The following NRXN1 variants were observed in gnomAD, a reference collection of about 807,000 sequenced individuals.
NRXN1 encodes the protein neurexin-1.
In NRXN1, 39 loss-of-function variants were observed where a neutral mutation model predicts 150.9. The ratio of observed to expected loss-of-function variants is 0.26; its 90% CI spans 0.20 to 0.34. The LOEUF (loss-of-function observed/expected upper bound fraction) is 0.34, where lower values mean the gene tolerates loss of function less well. NRXN1 is among the 10% of genes least tolerant of loss of function. NRXN1 has a pLI of 1.00. For synonymous variants in NRXN1, 924 were observed against 757.0 expected (o/e 1.22, Z -3.62); for missense variants, 1,815 against 1,949.9 (o/e 0.93, Z 1.30).
intron 5 of NRXN1, among the ~76,000 whole-genome samples, chr2:50,681,517 C>T (rs1690401975): frequency 6.6e-6 from 1 of 152,242 alleles, no homozygotes; most frequent in East Asian, 1.9e-4. Context: ...AAAGAACATC[C>T]TGGAGTCCCA....
chr2:50,870,970 G>A (rs542070894), intron 5 of NRXN1, among the ~76,000 whole-genome samples: 13 of 151,968 alleles, frequency 8.6e-5, no homozygotes, highest in African/African-American at 1.2e-4. Flanking sequence ...TTGAGGTGCT[G>A]TGGGATTTTA....
At chr2:50,829,160 G>C (rs1671017061) in intron 5 of NRXN1, among the ~76,000 whole-genome samples, 2 of 152,174 alleles carry the variant, frequency 1.3e-5, no homozygotes, top group South Asian at 4.1e-4. Context: ...GGAGGTTGCA[G>C]TGAGCCGAGA....
intron 5 of NRXN1, among the ~76,000 whole-genome samples, chr2:50,905,991 G>T (rs573748865): frequency 1.3e-5 from 2 of 152,006 alleles, no homozygotes; most frequent in African/African-American, 4.8e-5. Context: ...ACAAATTTTG[G>T]AATATGTGCA....
chr2:50,976,904 C>T (rs1391708564), intron 2 of NRXN1, among the ~76,000 whole-genome samples: 4 of 152,110 alleles, frequency 2.6e-5, no homozygotes, highest in Middle Eastern at 3.4e-3. Flanking sequence ...ATTCCGTTAC[C>T]TCCTTCAGAA....
At chr2:50,578,730 G>C (rs149771133) in intron 8 of NRXN1, among the ~76,000 whole-genome samples, 84 of 151,510 alleles carry the variant, frequency 5.5e-4, no homozygotes, top group African/African-American at 1.6e-3. Flanking sequence ...AAATGCTAAA[G>C]CTTTTTAATT....
chr2:50,827,699 C>T (rs1051629909), intron 5 of NRXN1, among the ~76,000 whole-genome samples: 1 of 151,926 alleles, frequency 6.6e-6, no homozygotes, highest in African/African-American at 2.4e-5. Context: ...GGAAGGTCAG[C>T]AGATAAACAA....
At chr2:50,765,392 C>A (rs142553629) in intron 5 of NRXN1, among the ~76,000 whole-genome samples, 1 of 151,974 alleles carries the variant, frequency 6.6e-6, no homozygotes, top group Non-Finnish European at 1.5e-5. Flanking sequence ...GCGAATTGTC[C>A]CTACAAAAGA....
intron 15 of NRXN1, among the ~76,000 whole-genome samples, chr2:50,495,200 G>T (rs1383456908): frequency 6.6e-6 from 1 of 152,096 alleles, no homozygotes; most frequent in African/African-American, 2.4e-5. Context: ...CACAAAATGT[G>T]ATTCAAATAG....
At chr2:50,868,334 A>C (rs1010130241) in intron 5 of NRXN1, among the ~76,000 whole-genome samples, 1 of 142,486 alleles carries the variant, frequency 7.0e-6, no homozygotes, top group Admixed American at 7.2e-5. Flanking sequence ...TATAAGCGAA[A>C]GGTAAATAAT....
intron 8 of NRXN1, among the ~76,000 whole-genome samples, chr2:50,607,030 A>G (rs1677246209): frequency 6.6e-6 from 1 of 152,124 alleles, no homozygotes; most frequent in Non-Finnish European, 1.5e-5. Flanking sequence ...ATTGTCATCT[A>G]ACGAAGCCTA....
Position 50,523,266 on chromosome 2 carries a change from T to C in NRXN1, c.2374+5359A>G, listed in dbSNP as rs1215819099. On this transcript the variant is annotated intron_variant, in intron 12 of 22. Transcript: ENST00000401669. ...ACAACGAGACTTCTGTTTTCTTTAT[T>C]TATACTTTGAACTTCCCTTATTCCT... 3.3e-5 allele frequency among the ~76,000 whole-genome samples: 5 copies of C among 152,304 alleles called. No homozygotes were observed. In the South Asian group the frequency reaches 1.0e-3, roughly 32 times the overall value.
At chr2:50,304,537 G>C (rs1383448897) in intron 17 of NRXN1, among the ~76,000 whole-genome samples, 3 of 152,132 alleles carry the variant, frequency 2.0e-5, no homozygotes, top group African/African-American at 4.8e-5. Flanking sequence ...TTTGTGCTCA[G>C]GGACTTCTTC....
chr2:50,015,375 G>A (rs534466865), intron 21 of NRXN1, among the ~76,000 whole-genome samples: 1 of 151,988 alleles, frequency 6.6e-6, no homozygotes, highest in South Asian at 2.1e-4. Flanking sequence ...ATCATATAGT[G>A]AGACCTCCTA....
At chr2:50,499,304 T>G (rs975232622) in intron 13 of NRXN1, among the ~76,000 whole-genome samples, 1 of 152,174 alleles carries the variant, frequency 6.6e-6, no homozygotes, top group Non-Finnish European at 1.5e-5. Context: ...ATCCTTGGCA[T>G]GTTCTCTTTT....
At chr2:50,404,600 A>G (rs1280937714) in intron 17 of NRXN1, among the ~76,000 whole-genome samples, 1 of 152,108 alleles carries the variant, frequency 6.6e-6, no homozygotes, top group East Asian at 1.9e-4. Flanking sequence ...TACCTAAACT[A>G]TAGGCTCTAG....
At chr2:50,922,798 T>C (rs780814952) in intron 3 of NRXN1, 111 bp from the exon 4 acceptor site, 40 of 1,066,094 alleles carry the variant, frequency 3.8e-5, no homozygotes, top group Non-Finnish European at 4.3e-5. Flanking sequence ...CTATGAGACA[T>C]GTCTGTATCA....
chr2:50,611,795 A>G (rs2104097135), intron 8 of NRXN1, among the ~76,000 whole-genome samples: 1 of 152,272 alleles, frequency 6.6e-6, no homozygotes, highest in Non-Finnish European at 1.5e-5. Flanking sequence ...AGTAGGGAAG[A>G]GGTTCACAGA....
At chr2:50,291,533 T>C (rs1329312970) in intron 17 of NRXN1, among the ~76,000 whole-genome samples, 1 of 152,166 alleles carries the variant, frequency 6.6e-6, no homozygotes, top group African/African-American at 2.4e-5. Flanking sequence ...CATTCATCCC[T>C]GGAACTGAGA....
At chr2:50,662,319 A>G (rs1363841030) in intron 5 of NRXN1, among the ~76,000 whole-genome samples, 2 of 152,042 alleles carry the variant, frequency 1.3e-5, no homozygotes, top group Non-Finnish European at 2.9e-5. Context: ...CATCTTGCTC[A>G]ACACATACCC....
Sources: allele counts gnomAD v4.1 joint callset (sites outside exome capture counted in the v4.1 genomes callset), GRCh38; gene constraint gnomAD v4.1.1; transcripts MANE v1.5; gene names NCBI Gene and HGNC (gene_info 2026-07-23, HGNC 2026-07-21).